The following ZNF606 variants were observed in gnomAD, a reference collection of about 807,000 sequenced individuals.
ZNF606 encodes the protein zinc finger protein 328.
In ZNF606, 37 loss-of-function variants were observed where a neutral mutation model predicts 74.9. The ratio of observed to expected loss-of-function variants is 0.49; its 90% CI spans 0.38 to 0.65. ZNF606 has a LOEUF of 0.65. Among genes scored for constraint, ZNF606 ranks in the 30% least tolerant of loss-of-function variants. The pLI is 0.00. For missense variants in ZNF606, 852 were observed against 952.9 expected (o/e 0.89, Z 1.39); for synonymous variants, 328 against 312.4 (o/e 1.05, Z -0.53).
intron 6 of ZNF606, among the ~76,000 whole-genome samples, chr19:57,984,495 G>A (rs1196250687): frequency 6.6e-6 from 1 of 152,222 alleles, no homozygotes; most frequent in Non-Finnish European, 1.5e-5. Context: ...TAGAGTGGGT[G>A]GAAGATAATC....
At chr19:58,003,024 C>T (rs1374836126), upstream of ZNF606, 1 of 437,402 alleles carries the variant, frequency 2.3e-6, no homozygotes, top group East Asian at 7.0e-5. Flanking sequence ...TCCACCGTCG[C>T]CTCCCACTGC....
chr19:58,000,022 T>C (rs1252483527), intron 3 of ZNF606, 126 bp from the exon 4 acceptor site: 1 of 753,006 alleles, frequency 1.3e-6, no homozygotes, highest in Non-Finnish European at 2.1e-6. Context: ...ACTTCCTCAT[T>C]CTATAGATGA....
chr19:57,980,172 A>C lies in ZNF606; in HGVS notation c.508T>G (p.Trp170Gly), dbSNP rs2123265259. The change falls in exon 7 of 7, where the codon TGG (tryptophan) becomes GGG (glycine). Residue 170 changes from tryptophan to glycine, a missense_variant. By Grantham distance (184) the Trp-to-Gly change is radical (BLOSUM62 -2). Around this residue, in one of 3 missense-constraint regions of ZNF606, gnomAD observed 545 missense variants for 542.5 expected, o/e 1.00. Transcript: ENST00000551380. ...CCCAAAACTTCTAACCTGGAGAACC[A>C]AGGATCATCCCATATATATCTTTCC... is the stretch of plus-strand genomic sequence containing the variant. ...KLERYIWDDPWFSRLEVLGCK... is the reference protein window; with the variant it reads ...KLERYIWDDPGFSRLEVLGCK... 1 of 1,614,166 alleles carries C rather than the reference A, an allele frequency of 6.2e-7. No individual in the cohort carries two copies. Among genetic ancestry groups the C allele is most frequent in the South Asian group, 1.1e-5 (1 of 91,080 alleles).
chr19:58,000,228 C>CTTT (rs138401809), intron 3 of ZNF606: 737 of 346,630 alleles, frequency 2.1e-3, no homozygotes, highest in Middle Eastern at 5.6e-3. Flanking sequence ...CACTGGTTTT[C>CTTT]TTTTTTTTTT....
intron 6 of ZNF606, among the ~76,000 whole-genome samples, chr19:57,981,397 G>A (rs2073083912): frequency 6.6e-6 from 1 of 151,990 alleles, no homozygotes; most frequent in African/African-American, 2.4e-5. Flanking sequence ...TGAACCTGGA[G>A]GTGGTCTTGA....
chr19:57,977,354 A>C lies in ZNF606; in HGVS notation c.*947T>G, dbSNP rs994654001. On this transcript the variant is annotated 3_prime_UTR_variant, in exon 7 of 7. Coordinates refer to ENST00000551380, the MANE Select transcript of ZNF606 (RefSeq NM_001348022.3). ...TTAACACTTGGAAAGCATTTAAAAG[A>C]AAGCCCAGCACATAAGTGTTATATG... The C allele has an allele frequency of 1.3e-5, 2 of 152,240 alleles. No homozygotes were observed. The highest frequency in any genetic ancestry group is 4.1e-4 in the South Asian group (2 of 4,834). 9.4% of individuals were successfully genotyped at this position (152,240 alleles called of 1,614,324 possible).
intron 6 of ZNF606, among the ~76,000 whole-genome samples, chr19:57,984,415 G>A (rs1008194035): frequency 2.0e-5 from 3 of 152,216 alleles, no homozygotes; most frequent in African/African-American, 7.2e-5. Flanking sequence ...GAATTCATGA[G>A]CTCTTAGGGG....
At chr19:57,990,208 C>CA (rs995664039) in intron 4 of ZNF606, among the ~76,000 whole-genome samples, 8 of 150,534 alleles carry the variant, frequency 5.3e-5, no homozygotes, top group Admixed American at 4.0e-4. Flanking sequence ...ACTAAAAATA[C>CA]AAAAAAATTA....
chr19:57,989,895 CA>C (rs140469471), intron 4 of ZNF606, among the ~76,000 whole-genome samples: 33,427 of 149,462 alleles, frequency 0.22, 3,812 homozygotes, highest in Non-Finnish European at 0.24. Context: ...ACTAAAAATA[CA>C]AAAAAATTAG....
In ZNF606 at chr19:58,001,329, T is replaced by A. The variant is rs1489684271; in HGVS notation, c.-10A>T. 1 of 1,614,136 alleles carries A rather than the reference T, an allele frequency of 6.2e-7. No individual in the cohort carries two copies. The highest frequency in any genetic ancestry group is 1.7e-5 in the Admixed American group (1 of 60,016). ...GGTTGATGGCTGCCATCCCGAGGAC[T>A]GATTGACCAGGCACCTGCCCAGGAA... is the stretch of plus-strand genomic sequence containing the variant. On this transcript the variant is annotated 5_prime_UTR_variant, in exon 2 of 7. Transcript: ENST00000551380.
chr19:57,989,706 C>T (rs555133692), intron 4 of ZNF606, among the ~76,000 whole-genome samples: 14 of 152,022 alleles, frequency 9.2e-5, no homozygotes, highest in African/African-American at 3.4e-4. Context: ...CTTGGCCTCC[C>T]AAAATGCTGG....
chr19:57,990,776 A>G (rs1282237212), intron 4 of ZNF606, among the ~76,000 whole-genome samples: 1 of 151,818 alleles, frequency 6.6e-6, no homozygotes, highest in East Asian at 1.9e-4. Flanking sequence ...CAGTGTATCC[A>G]TTTTTACTCT....
chr19:57,977,461 A>T lies in ZNF606; in HGVS notation c.*840T>A, dbSNP rs1403469818. ...GGTCCTTACCCATATACATTTTTTT[A>T]GATGTGTTACAGTAAGTATGTATAT... On this transcript the variant is annotated 3_prime_UTR_variant, in exon 7 of 7. Coordinates refer to ENST00000551380, the MANE Select transcript of ZNF606 (RefSeq NM_001348022.3). 2.0e-5 allele frequency: 3 copies of T among 152,212 alleles called. No homozygotes were observed. The highest frequency in any genetic ancestry group is 2.9e-5 in the Non-Finnish European group (2 of 68,032). 9.4% of individuals were successfully genotyped at this position (152,212 alleles called of 1,614,324 possible).
Position 57,996,689 on chromosome 19 carries a change from C to A in ZNF606, c.177+3119G>T, listed in dbSNP as rs1184816373. Among the ~76,000 whole-genome samples the A allele has an allele frequency of 2.6e-5, 4 of 152,210 alleles. No homozygotes were observed. The East Asian group carries it at 7.7e-4, about 29-fold the overall frequency. On this transcript the variant is annotated intron_variant, in intron 4 of 6. Coordinates refer to ENST00000551380, the MANE Select transcript of ZNF606 (RefSeq NM_001348022.3). The stretch of plus-strand genomic sequence containing the variant: ...AGAGGAAATGCAGGTTTCACTGTTG[C>A]CTGATGCTAAGGGGAAAGGGTGCTA...
At chr19:58,000,384 G>C in intron 3 of ZNF606, 1 of 549,812 alleles carries the variant, frequency 1.8e-6, no homozygotes, top group South Asian at 2.6e-5. Context: ...ACCACGCCCA[G>C]CTAATTTTTT....
At chr19:57,986,334 C>T (rs1288463523) in intron 6 of ZNF606, among the ~76,000 whole-genome samples, 2 of 152,004 alleles carry the variant, frequency 1.3e-5, no homozygotes, top group Non-Finnish European at 2.9e-5. Flanking sequence ...CACCTATAGT[C>T]CCAGCTACTC....
Position 57,999,883 on chromosome 19 carries a change from C to T in ZNF606, c.102G>A (p.Gln34=). The part of the protein sequence containing the change: ...DPWASWALCP[Q]YPAWHVEGSL... ...TTCCCTCCACGTGCCAGGCAGGATA[C>T]TGAGGACACAGAGCTAGGAAACGAG... The change falls in exon 4 of 7, where the codon CAG becomes CAA. Residue 34 remains glutamine (Q), a synonymous_variant. Coordinates refer to ENST00000551380, the MANE Select transcript of ZNF606 (RefSeq NM_001348022.3). The T allele has an allele frequency of 6.2e-7, 1 of 1,613,900 alleles. No homozygotes were observed. The highest frequency in any genetic ancestry group is 1.1e-5 in the South Asian group (1 of 91,088).
intron 4 of ZNF606, among the ~76,000 whole-genome samples, chr19:57,990,088 C>A (rs897304843): frequency 9.8e-5 from 13 of 132,558 alleles, no homozygotes; most frequent in African/African-American, 3.6e-4. Flanking sequence ...AAGAGCCGGG[C>A]GCAGTGGCTC....
At position 57,978,854 on chromosome 19, in the gene ZNF606, G is replaced by A; in HGVS notation, c.1826C>T (p.Ser609Leu). Residue 609 changes from serine to leucine, a missense_variant, in exon 7 of 7, where the codon TCA becomes TTA. Ser to Leu is a moderately radical substitution (Grantham distance 145). This residue lies in a region of ZNF606 where 243 missense variants were observed against 359.2 expected (regional missense o/e 0.68). Transcript: ENST00000551380. The surrounding 1 kb of genome is among the most constrained non-coding windows in gnomAD (Gnocchi z 4.4). ...QECGKAFRER[S>L]ALTKHEIIHS... ...AATTATCTCATGTTTAGTGAGGGCT[G>A]AGCGTTCTCTGAATGCTTTGCCACA... is the stretch of plus-strand genomic sequence containing the variant. The A allele has an allele frequency of 1.2e-6, 2 of 1,614,152 alleles. No homozygotes were observed. Among genetic ancestry groups the A allele is most frequent in the Non-Finnish European group, 1.7e-6 (2 of 1,180,016 alleles).
Sources: allele counts gnomAD v4.1 joint callset (sites outside exome capture counted in the v4.1 genomes callset), GRCh38; gene constraint gnomAD v4.1.1; regional missense constraint gnomAD v4.1.1; non-coding constraint Gnocchi (gnomAD v3.1); transcripts MANE v1.5; gene names NCBI Gene and HGNC (gene_info 2026-07-23, HGNC 2026-07-21).